IGSF11: variants seen among roughly 807,000 people sequenced by gnomAD.
IGSF11 encodes immunoglobulin superfamily member 11.
A neutral mutation model predicts 41.0 loss-of-function variants in IGSF11; 22 were observed. That is an observed-to-expected ratio of 0.54 (90% CI 0.38 to 0.77). The LOEUF (loss-of-function observed/expected upper bound fraction) is 0.77, where lower values mean the gene tolerates loss of function less well. Among genes scored for constraint, IGSF11 ranks in the 30% least tolerant of loss-of-function variants. The pLI, the probability that IGSF11 is intolerant of heterozygous loss-of-function variation, is 0.00. For synonymous variants in IGSF11, 219 were observed against 201.3 expected (o/e 1.09, Z -0.74); for missense variants, 444 against 530.8 (o/e 0.84, Z 1.61).
intron 1 of IGSF11, among the ~76,000 whole-genome samples, chr3:119,067,737 G>A (rs1370152915): frequency 1.3e-5 from 2 of 151,948 alleles, no homozygotes; most frequent in Non-Finnish European, 2.9e-5. Context: ...TTTGGTCTCC[G>A]TGAAGTCCCT....
intron 1 of IGSF11, among the ~76,000 whole-genome samples, chr3:118,937,015 T>C (rs1943337004): frequency 6.6e-6 from 1 of 152,246 alleles, no homozygotes; most frequent in East Asian, 1.9e-4. Flanking sequence ...AGCAATCCAA[T>C]GGAGATTTCA....
intron 1 of IGSF11, among the ~76,000 whole-genome samples, chr3:119,072,968 A>G (rs1174681457): frequency 6.6e-6 from 1 of 152,126 alleles, no homozygotes; most frequent in Non-Finnish European, 1.5e-5. Flanking sequence ...CCTGAGCTAG[A>G]CACAAAAGTT....
chr3:118,931,215 T>C (rs1319013944), intron 1 of IGSF11, among the ~76,000 whole-genome samples: 1 of 152,256 alleles, frequency 6.6e-6, no homozygotes, highest in East Asian at 1.9e-4. Context: ...CAGAAAATGA[T>C]CACAGACCTA....
chr3:119,026,856 A>C (rs958784123), intron 1 of IGSF11, among the ~76,000 whole-genome samples: 1 of 152,218 alleles, frequency 6.6e-6, no homozygotes, highest in African/African-American at 2.4e-5. Flanking sequence ...ATGGTTATTC[A>C]AACTTATATA....
intron 1 of IGSF11, among the ~76,000 whole-genome samples, chr3:118,937,523 T>C (rs1395143606): frequency 6.6e-6 from 1 of 152,190 alleles, no homozygotes. Flanking sequence ...AAAAAAAGTT[T>C]GTGTTAGCTG....
chr3:118,902,447 T>TCG lies in IGSF11; in HGVS notation c.*72_*73insCG. ...TAAGGAAGTGTTTCTTTCCCAGCAC[T>TCG]CCCCACCCCACCCTCCCCCTTGTAT... is the stretch of plus-strand genomic sequence containing the variant. On this transcript the variant is annotated 3_prime_UTR_variant, in exon 7 of 7. Coordinates refer to ENST00000393775, the MANE Select transcript of IGSF11 (RefSeq NM_001015887.3). The TCG allele has an allele frequency of 1.8e-6, 1 of 563,916 alleles. No homozygotes were observed. The highest frequency in any genetic ancestry group is 3.4e-6 in the Non-Finnish European group (1 of 298,020). 34.9% of individuals were successfully genotyped at this position (563,916 alleles called of 1,614,324 possible). A position where few individuals can be genotyped will look rare whatever the true frequency, so the allele number is the denominator to read the frequency against.
intron 1 of IGSF11, among the ~76,000 whole-genome samples, chr3:119,033,900 A>T (rs1940654943): frequency 6.6e-6 from 1 of 152,242 alleles, no homozygotes; most frequent in Admixed American, 6.5e-5. Context: ...AACCGTTAAC[A>T]AGAAATTTAA....
rs1157789177 is a variant in IGSF11 at position 118,902,548 on chromosome 3, G to C, written c.1268C>G (p.Ala423Gly). 3 of 1,613,674 alleles carry C rather than the reference G, an allele frequency of 1.9e-6. No individual in the cohort carries two copies. Among genetic ancestry groups the C allele is most frequent in the Non-Finnish European group, 2.5e-6 (3 of 1,179,876 alleles). Residue 423 changes from alanine (A) to glycine (G), a missense_variant, in exon 7 of 7, where the codon GCC (alanine) becomes GGC (glycine). Physicochemically the swap from Ala to Gly is moderately conservative, Grantham distance 60 (BLOSUM62 0). Coordinates refer to ENST00000393775, the MANE Select transcript of IGSF11 (RefSeq NM_001015887.3). ...RIGAVPVMVP[A>G]QSRAGSLV ...TACCAAGGACCCGGCCCGACTCTGGGCTGGTACCATGACAGGTACTGCACC... is the reference window on the plus strand; with the variant it reads ...TACCAAGGACCCGGCCCGACTCTGGCCTGGTACCATGACAGGTACTGCACC...
Position 119,124,348 on chromosome 3 carries a change from C to A in IGSF11, c.-13-19143G>T, listed in dbSNP as rs113724955. Among the ~76,000 whole-genome samples the A allele has an allele frequency of 3.5e-3, 516 of 147,626 alleles. 2 individuals carry two copies. Among genetic ancestry groups the A allele is most frequent in the African/African-American group, 0.012 (483 of 39,564 alleles). On this transcript the variant is annotated intron_variant, in intron 1 of 7. Transcript: ENST00000425327. ...ATGACGTGATCTCGGCTCACTGCAA[C>A]CTCCACCTCCCGGGTTCAAGCGATT...
Position 119,027,062 on chromosome 3 carries a change from C to T in IGSF11, c.52+7469G>A, listed in dbSNP as rs887319694. Among the ~76,000 whole-genome samples the T allele has an allele frequency of 3.3e-5, 5 of 152,142 alleles. 1 individual carries two copies. Among genetic ancestry groups the T allele is most frequent in the East Asian group, 1.9e-4 (1 of 5,188 alleles). ...TCATCTCAGTGGTCATATTGATAAA[C>T]ATAATTTTTAAATTTATATAATGTA... On this transcript the variant is annotated intron_variant, in intron 1 of 6. Transcript: ENST00000393775.
chr3:119,115,881 A>G (rs2077249592), intron 1 of IGSF11, among the ~76,000 whole-genome samples: 1 of 152,242 alleles, frequency 6.6e-6, no homozygotes. Context: ...TCAAAAATTT[A>G]TAAAAGTGGT....
chr3:119,012,117 A>C lies in IGSF11; in HGVS notation c.52+22414T>G, dbSNP rs555276342. On this transcript the variant is annotated intron_variant, in intron 1 of 6. Transcript: ENST00000393775. ...AATGGCGTTGCAAGGGTCCATTCCC[A>C]GGAAGCATAAGATAGAAAAGAAAAG... Among the ~76,000 whole-genome samples, 10 of 152,340 alleles carry C rather than the reference A, an allele frequency of 6.6e-5. No homozygotes were observed. The South Asian group carries it at 2.1e-3, about 32-fold the overall frequency.
intron 1 of IGSF11, among the ~76,000 whole-genome samples, chr3:119,044,318 C>A (rs1401575437): frequency 1.3e-5 from 2 of 151,882 alleles, no homozygotes; most frequent in East Asian, 3.9e-4. Context: ...AACTTCAGAG[C>A]TTGAAGATAA....
At chr3:119,073,247 C>A (rs956808769) in intron 1 of IGSF11, among the ~76,000 whole-genome samples, 7 of 152,190 alleles carry the variant, frequency 4.6e-5, no homozygotes, top group African/African-American at 1.4e-4. Context: ...GAGCTAGACA[C>A]AGGGTGCTGA....
chr3:119,089,663 A>G (rs1027904357), intron 1 of IGSF11, among the ~76,000 whole-genome samples: 1 of 152,208 alleles, frequency 6.6e-6, no homozygotes, highest in African/African-American at 2.4e-5. Flanking sequence ...ATATAATTCT[A>G]TACCTGGAAA....
chr3:118,932,434 C>T (rs1406042574), intron 1 of IGSF11, among the ~76,000 whole-genome samples: 1 of 152,168 alleles, frequency 6.6e-6, no homozygotes, highest in Admixed American at 6.5e-5. Context: ...ATGTTCTTCA[C>T]GTATAGTCTG....
At chr3:118,985,971 G>A (rs950696798) in intron 1 of IGSF11, among the ~76,000 whole-genome samples, 12 of 152,250 alleles carry the variant, frequency 7.9e-5, no homozygotes, top group African/African-American at 1.7e-4. Context: ...TTCTCAGCAC[G>A]ACAAAAAGGA....
chr3:118,964,368 G>C (rs1259837929), intron 1 of IGSF11, among the ~76,000 whole-genome samples: 1 of 152,162 alleles, frequency 6.6e-6, no homozygotes. Context: ...CAAGTCAGAG[G>C]ATGGGATGAA....
chr3:119,006,410 T>C (rs1347833356), intron 1 of IGSF11, among the ~76,000 whole-genome samples: 1 of 105,962 alleles, frequency 9.4e-6, no homozygotes, highest in East Asian at 2.4e-4. Flanking sequence ...TTGGTTTGAA[T>C]GTCCTCCCGT....
Sources: allele counts gnomAD v4.1 joint callset (sites outside exome capture counted in the v4.1 genomes callset), GRCh38; gene constraint gnomAD v4.1.1; transcripts MANE v1.5; gene names NCBI Gene and HGNC (gene_info 2026-07-23, HGNC 2026-07-21).